The following HSD17B13 variants were observed in gnomAD, a reference collection of about 807,000 sequenced individuals.
The protein encoded by HSD17B13 is hydroxysteroid 17-beta dehydrogenase 13.
In HSD17B13, 26 loss-of-function variants were observed where a neutral mutation model predicts 31.1. That is an observed-to-expected ratio of 0.84 (90% CI 0.61 to 1.16). The LOEUF (loss-of-function observed/expected upper bound fraction) is 1.16, where lower values mean the gene tolerates loss of function less well. HSD17B13 is among the 50% of genes most tolerant of loss of function. The pLI is 0.00. For synonymous variants in HSD17B13, 141 were observed against 133.7 expected, an observed-to-expected ratio of 1.05 and a Z score of -0.38; for missense variants, 374 against 366.5, an observed-to-expected ratio of 1.02 and a Z score of -0.17.
intron 4 of HSD17B13, among the ~76,000 whole-genome samples, chr4:87,314,618 C>T (rs546859116): frequency 2.0e-5 from 3 of 147,722 alleles, no homozygotes; most frequent in African/African-American, 7.9e-5. Context: ...CAGGTAGAGT[C>T]GTTTTCTCTC....
intron 4 of HSD17B13, among the ~76,000 whole-genome samples, chr4:87,314,751 C>T (rs917745575): frequency 1.3e-5 from 2 of 152,132 alleles, no homozygotes; most frequent in African/African-American, 2.4e-5. Flanking sequence ...AAGGCCATGA[C>T]ATAGACATGT....
chr4:87,308,415 T>C (rs62305722), intron 6 of HSD17B13, among the ~76,000 whole-genome samples: 21,925 of 135,704 alleles, frequency 0.16, 1,802 homozygotes, highest in African/African-American at 0.21. Context: ...TTTGGGAGGC[T>C]GAGGCGGGCG....
Position 87,313,646 on chromosome 4 carries a change from A to G in HSD17B13, c.695+177T>C, listed in dbSNP as rs541192684. Among the ~76,000 whole-genome samples, 7 of 152,290 alleles carry G rather than the reference A, an allele frequency of 4.6e-5. No individual in the cohort carries two copies. The South Asian group carries it at 1.0e-3, about 23-fold the overall frequency. The stretch of plus-strand genomic sequence containing the variant: ...TCATCGGTGGCTGATCATTCCTGCT[A>G]GTCCCTAATGTGTTTTCCCCCTTTA... On this transcript the variant is annotated intron_variant, in intron 5 of 6. Transcript: ENST00000328546.
At chr4:87,309,664 A>G (rs1335539101) in intron 6 of HSD17B13, among the ~76,000 whole-genome samples, 3 of 152,178 alleles carry the variant, frequency 2.0e-5, no homozygotes, top group Non-Finnish European at 4.4e-5. Flanking sequence ...CTACTTCACT[A>G]TATTGCATTC....
intron 1 of HSD17B13, among the ~76,000 whole-genome samples, chr4:87,318,797 C>CAAAA (rs1158406945): frequency 1.2e-5 from 1 of 83,524 alleles, no homozygotes; most frequent in East Asian, 5.2e-4. Flanking sequence ...GACTCTGTCT[C>CAAAA]AAAAAAAAAA....
rs1301971207 is a variant in HSD17B13 at position 87,318,384 on chromosome 4, T to G, written c.263A>C (p.His88Pro). 6.2e-7 allele frequency: 1 copy of G among 1,614,208 alleles called. No individual in the cohort carries two copies. The highest frequency in any genetic ancestry group is 1.7e-5 in the Admixed American group (1 of 60,028). ...GTTGCTGCAGTCTACCACATACGCATGCGCAGTGACGCCTAGTTTTCGGCA... is the reference window on the plus strand; with the variant it reads ...GTTGCTGCAGTCTACCACATACGCAGGCGCAGTGACGCCTAGTTTTCGGCA... ...AECRKLGVTA[H>P]AYVVDCSNRE... Residue 88 changes from histidine (H) to proline (P), a missense_variant, in exon 2 of 7, where the codon CAT becomes CCT. By Grantham distance (77) the His-to-Pro change is moderately conservative. Coordinates refer to ENST00000328546, the MANE Select transcript of HSD17B13 (RefSeq NM_178135.5).
intron 5 of HSD17B13, among the ~76,000 whole-genome samples, chr4:87,312,321 A>G (rs1734547299): frequency 6.6e-6 from 1 of 152,266 alleles, no homozygotes; most frequent in South Asian, 2.1e-4. Context: ...GGTTGTCAGC[A>G]TAATTTCACA....
chr4:87,309,847 T>C (rs999517690), intron 6 of HSD17B13, among the ~76,000 whole-genome samples: 16 of 152,074 alleles, frequency 1.1e-4, no homozygotes, highest in Non-Finnish European at 2.9e-5. Flanking sequence ...TTTTCACAAC[T>C]GAAAGATGCT....
chr4:87,312,562 C>T (rs1484376004), intron 5 of HSD17B13, among the ~76,000 whole-genome samples: 26 of 111,598 alleles, frequency 2.3e-4, no homozygotes, highest in African/African-American at 8.6e-4. Context: ...CGGAGTCTCG[C>T]TCTGTCGCCC....
intron 2 of HSD17B13, among the ~76,000 whole-genome samples, chr4:87,318,079 C>T (rs562715314): frequency 6.6e-6 from 1 of 152,288 alleles, no homozygotes; most frequent in African/African-American, 2.4e-5. Context: ...TTTTGTCAGT[C>T]ACTCTGTGCC....
chr4:87,320,168 T>TCTCAAAGTCCTAACTTTGATACCTAAC (rs1313042708), intron 1 of HSD17B13, among the ~76,000 whole-genome samples: 1 of 152,086 alleles, frequency 6.6e-6, no homozygotes, highest in East Asian at 1.9e-4. Context: ...TAGGACCCAG[T>TCTCAAAGTCCTAACTTTGATACCTAAC]CTCAAAGTCA....
chr4:87,310,308 T>C lies in HSD17B13; in HGVS notation c.747A>G (p.Gly249=). Residue 249 remains glycine, a synonymous_variant, in exon 6 of 7, where the codon GGA becomes GGG. Transcript: ENST00000328546. ...TDEVVRSLID[G]ILTNKKMIFV... is the part of the protein sequence containing the mutation. ...AAATCATTTTCTTATTGGTAAGTAT[T>C]CCATCTATCAGACTTCTTACGACTT... The C allele has an allele frequency of 2.5e-6, 4 of 1,578,462 alleles. 1 individual carries two copies. The highest frequency in any genetic ancestry group is 3.4e-6 in the Non-Finnish European group (4 of 1,166,812).
chr4:87,314,641 T>TCTCTCTCTCACACACACA (rs373166006), intron 4 of HSD17B13, among the ~76,000 whole-genome samples: 218 of 142,248 alleles, frequency 1.5e-3, no homozygotes, highest in African/African-American at 5.0e-3. Context: ...TCTCTCTCTC[T>TCTCTCTCTCACACACACA]CACACACACA....
rs908612619 is a variant in HSD17B13, at chr4:87,304,978, T to C, written c.*240A>G. On this transcript the variant is annotated 3_prime_UTR_variant, in exon 7 of 7. Transcript: ENST00000328546. Reference sequence around the variant, plus strand: ...AAAGAAAACCTTTTAAGTATGTTTATGTAAGCACAGAAGTTTTTAAGAGGC... The same window carrying C: ...AAAGAAAACCTTTTAAGTATGTTTACGTAAGCACAGAAGTTTTTAAGAGGC... 8 of 367,252 alleles carry C rather than the reference T, an allele frequency of 2.2e-5. No individual in the cohort carries two copies. The highest frequency in any genetic ancestry group is 1.7e-4 in the African/African-American group (8 of 47,740). 22.7% of individuals were successfully genotyped at this position (367,252 alleles called of 1,614,324 possible).
intron 1 of HSD17B13, among the ~76,000 whole-genome samples, chr4:87,319,553 A>G (rs1734733426): frequency 6.6e-6 from 1 of 152,246 alleles, no homozygotes; most frequent in Admixed American, 6.5e-5. Context: ...ATTCTAAACT[A>G]GTGGTAATGG....
chr4:87,306,568 G>C (rs1482010350), intron 6 of HSD17B13, among the ~76,000 whole-genome samples: 3 of 152,094 alleles, frequency 2.0e-5, no homozygotes. Flanking sequence ...AGCTTCAAAA[G>C]GACAACTGAT....
Position 87,315,564 on chromosome 4 carries a change from T to G in HSD17B13, c.486A>C (p.Arg162Ser), listed in dbSNP as rs1734633841. 1 of 1,610,760 alleles carries G rather than the reference T, an allele frequency of 6.2e-7. No homozygotes were observed. Residue 162 changes from arginine (R) to serine (S), a missense_variant, in exon 4 of 7, where the codon AGA becomes AGC. Physicochemically the swap from Arg to Ser is moderately radical, Grantham distance 110 (BLOSUM62 -1). Transcript: ENST00000328546. Reference sequence around the variant, plus strand: ...CCACTGTGACGATGTGGCCATGATTTCTCTCCATCATCGATGGAAGAAGTG... The same window carrying G: ...CCACTGTGACGATGTGGCCATGATTGCTCTCCATCATCGATGGAAGAAGTG... ...TKALLPSMME[R>S]NHGHIVTVAS...
At chr4:87,315,225 C>T (rs913575563) in intron 4 of HSD17B13, among the ~76,000 whole-genome samples, 2 of 152,208 alleles carry the variant, frequency 1.3e-5, no homozygotes, top group Non-Finnish European at 2.9e-5. Flanking sequence ...CCAGTGGAAA[C>T]CTCTAGGGGG....
chr4:87,305,159 T>C lies in HSD17B13; in HGVS notation c.*59A>G. 9.0e-7 allele frequency: 1 copy of C among 1,110,086 alleles called. No individual in the cohort carries two copies. The highest frequency in any genetic ancestry group is 1.3e-6 in the Non-Finnish European group (1 of 768,858). 68.8% of individuals were successfully genotyped at this position (1,110,086 alleles called of 1,614,324 possible). A position where few individuals can be genotyped will look rare whatever the true frequency, so the allele number is the denominator to read the frequency against. On this transcript the variant is annotated 3_prime_UTR_variant, in exon 7 of 7. Transcript: ENST00000328546. ...AAATGTGAAATAAAGCTTTGCAGCA[T>C]TGATTCGAAACTATTCATATCATTA...
Sources: gnomAD v4.1 joint callset for allele counts (sites outside exome capture counted in the v4.1 genomes callset) on GRCh38, gnomAD v4.1.1 for gene constraint, MANE v1.5 for transcripts, NCBI Gene and HGNC (gene_info 2026-07-23, HGNC 2026-07-21) for gene names.